Variants in AGBL3 observed in about 807,000 individuals in gnomAD.
The protein encoded by AGBL3 is AGBL carboxypeptidase 3, also known as cytosolic carboxypeptidase 3.
Under a neutral mutation model 94.5 loss-of-function variants are expected in AGBL3, and 68 were observed. The observed-to-expected ratio is 0.72, with a 90% CI of 0.59 to 0.88. AGBL3 has a LOEUF of 0.88. Among genes scored for constraint, AGBL3 ranks in the 40% least tolerant of loss-of-function variants. AGBL3 has a pLI of 0.00. For missense variants in AGBL3, 934 were observed against 1,103.8 expected (o/e 0.85, Z 2.18); for synonymous variants, 354 against 370.7 (o/e 0.95, Z 0.52).
intron 15 of AGBL3, among the ~76,000 whole-genome samples, chr7:135,113,852 T>C (rs1197853931): frequency 6.6e-6 from 1 of 152,202 alleles, no homozygotes; most frequent in Non-Finnish European, 1.5e-5. Flanking sequence ...TCTACTTTTG[T>C]GTCTATGAAT....
chr7:134,998,051 T>C (rs910307414), intron 4 of AGBL3, among the ~76,000 whole-genome samples: 1 of 152,216 alleles, frequency 6.6e-6, no homozygotes, highest in African/African-American at 2.4e-5. Context: ...AATTTTCCAA[T>C]ACATTTGATC....
chr7:134,993,091 C>T (rs1358503844), intron 3 of AGBL3, among the ~76,000 whole-genome samples: 3 of 152,170 alleles, frequency 2.0e-5, no homozygotes, highest in African/African-American at 7.2e-5. Context: ...AAAGTTGTGA[C>T]TGAGTTCACT....
intron 15 of AGBL3, among the ~76,000 whole-genome samples, chr7:135,096,481 T>C (rs13229515): frequency 0.45 from 65,544 of 146,622 alleles, 15,101 homozygotes; most frequent in East Asian, 0.78. Context: ...CATATACAAC[T>C]AGGAAGATAC....
At chr7:135,004,862 A>G (rs756295411) in intron 4 of AGBL3, among the ~76,000 whole-genome samples, 3 of 151,464 alleles carry the variant, frequency 2.0e-5, no homozygotes, top group Non-Finnish European at 4.4e-5. Flanking sequence ...ATTATTTATT[A>G]GTTCTAGTTT....
At chr7:135,128,905 T>G in intron 16 of AGBL3, 1 of 1,463,768 alleles carries the variant, frequency 6.8e-7, no homozygotes, top group Non-Finnish European at 9.6e-7. Context: ...ATAAAATGCT[T>G]TAATAGTAAT....
chr7:135,012,988 A>T (rs1381102242), intron 4 of AGBL3, among the ~76,000 whole-genome samples: 1 of 152,168 alleles, frequency 6.6e-6, no homozygotes, highest in Non-Finnish European at 1.5e-5. Context: ...ACAGTTAAAA[A>T]TGAAAAGGAA....
Position 134,993,564 on chromosome 7 carries a change from G to A in AGBL3, c.196G>A (p.Val66Met), listed in dbSNP as rs1056137967. ...ATTAGAATATCAGCTAGGGAGATGG[G>A]TGCCACGTCTTCGTGAACCAAGGGA... ...ILLEYQLGRW[V>M]PRLREPRDLY... is the part of the protein sequence containing the mutation. The change falls in exon 4 of 17, where the codon GTG (valine) becomes ATG (methionine). Residue 66 changes from valine to methionine, a missense_variant. Coordinates refer to ENST00000436302, the MANE Select transcript of AGBL3 (RefSeq NM_178563.4). 3.9e-6 allele frequency: 6 copies of A among 1,551,824 alleles called. No individual in the cohort carries two copies. Among genetic ancestry groups the A allele is most frequent in the Middle Eastern group, 1.7e-4 (1 of 5,994 alleles).
intron 2 of AGBL3, 82 bp downstream of exon 2, chr7:134,988,078 TG>T: frequency 9.3e-7 from 1 of 1,073,770 alleles, no homozygotes. Context: ...TAAAATCAAT[TG>T]GATATAAAAA....
At chr7:135,046,147 A>G (rs1386610709) in intron 11 of AGBL3, among the ~76,000 whole-genome samples, 1 of 152,072 alleles carries the variant, frequency 6.6e-6, no homozygotes, top group African/African-American at 2.4e-5. Context: ...AGACATATGA[A>G]ATTGGTTTTT....
chr7:135,093,032 C>G (rs1319933257), intron 15 of AGBL3: 3 of 116,148 alleles, frequency 2.6e-5, no homozygotes, highest in Non-Finnish European at 3.9e-5. Flanking sequence ...GAATCTTCCT[C>G]TACTAAAAAA....
At chr7:135,023,547 C>T (rs939090239) in intron 5 of AGBL3, among the ~76,000 whole-genome samples, 15 of 152,116 alleles carry the variant, frequency 9.9e-5, no homozygotes, top group African/African-American at 3.6e-4. Context: ...TAGGCAGAGA[C>T]AGAGCTTTCG....
At chr7:134,995,047 T>A (rs1422511360) in intron 4 of AGBL3, among the ~76,000 whole-genome samples, 2 of 152,178 alleles carry the variant, frequency 1.3e-5, no homozygotes, top group Non-Finnish European at 2.9e-5. Context: ...GAGAAAACAC[T>A]GCCATGCTAC....
intron 15 of AGBL3, among the ~76,000 whole-genome samples, chr7:135,087,589 A>C (rs1158590124): frequency 1.3e-5 from 2 of 151,886 alleles, no homozygotes; most frequent in Non-Finnish European, 2.9e-5. Flanking sequence ...TTCAGTAGTT[A>C]TTCAGAAGTA....
chr7:135,131,079 G>A (rs1828693234), intron 16 of AGBL3, among the ~76,000 whole-genome samples: 1 of 152,008 alleles, frequency 6.6e-6, no homozygotes, highest in African/African-American at 2.4e-5. Flanking sequence ...TTGTCAAAGA[G>A]GATGCTTAAT....
At chr7:135,104,166 T>C (rs1411623899) in intron 15 of AGBL3, among the ~76,000 whole-genome samples, 2 of 152,136 alleles carry the variant, frequency 1.3e-5, no homozygotes, top group Non-Finnish European at 2.9e-5. Context: ...CAACATGTGA[T>C]ATTTGGTTTT....
At chr7:135,072,681 G>A (rs555549036) in intron 12 of AGBL3, among the ~76,000 whole-genome samples, 37 of 150,082 alleles carry the variant, frequency 2.5e-4, no homozygotes, top group East Asian at 2.4e-3. Flanking sequence ...ACCAAACACC[G>A]CATGTTCTCA....
At chr7:135,134,171 T>C (rs1156316833) in intron 16 of AGBL3, among the ~76,000 whole-genome samples, 13 of 152,120 alleles carry the variant, frequency 8.5e-5, no homozygotes, top group Non-Finnish European at 1.8e-4. Context: ...GATTGTGATA[T>C]TGTTCTATGG....
chr7:135,044,085 G>A lies in AGBL3; in HGVS notation c.1561G>A (p.Val521Ile), dbSNP rs1311200916. The A allele has an allele frequency of 2.0e-5, 31 of 1,550,814 alleles. No individual in the cohort carries two copies. The African/African-American group carries it at 2.7e-4, about 14-fold the overall frequency. The change falls in exon 9 of 17, where the codon GTA (valine) becomes ATA (isoleucine). Residue 521 changes from valine (V) to isoleucine (I), a missense_variant. By Grantham distance (29) the Val-to-Ile change is conservative (BLOSUM62 3). Around this residue, in one of 3 missense-constraint regions of AGBL3, gnomAD observed 441 missense variants for 518.2 expected, o/e 0.85. Coordinates refer to ENST00000436302, the MANE Select transcript of AGBL3 (RefSeq NM_178563.4). ...QKSKEGTGRV[V>I]MWKMGIRNSF... Reference sequence around the variant, plus strand: ...GAGCAAAGAAGGAACAGGAAGGGTGGTAATGTGGAAAATGGGAATCAGGAA... The same window carrying A: ...GAGCAAAGAAGGAACAGGAAGGGTGATAATGTGGAAAATGGGAATCAGGAA...
intron 5 of AGBL3, among the ~76,000 whole-genome samples, chr7:135,027,886 T>C (rs943375754): frequency 6.6e-6 from 1 of 151,614 alleles, no homozygotes; most frequent in African/African-American, 2.4e-5. Context: ...AATTCAGCCA[T>C]AATTTATACA....
Sources: gnomAD v4.1 joint callset for allele counts (sites outside exome capture counted in the v4.1 genomes callset) on GRCh38, gnomAD v4.1.1 for gene constraint, gnomAD v4.1.1 regional missense constraint, MANE v1.5 for transcripts, NCBI Gene and HGNC (gene_info 2026-07-23, HGNC 2026-07-21) for gene names.